Variants in PDE3A observed in about 807,000 individuals in gnomAD.
PDE3A encodes phosphodiesterase 3A.
In PDE3A, 43 loss-of-function variants were observed where a neutral mutation model predicts 98.3. The ratio of observed to expected loss-of-function variants is 0.44; its 90% confidence interval spans 0.34 to 0.56. The LOEUF (loss-of-function observed/expected upper bound fraction) is 0.56. Ranked by LOEUF, PDE3A falls within the 20% of genes least tolerant of loss-of-function variation. The pLI is 0.01. For synonymous variants in PDE3A, 663 were observed against 567.9 expected, an observed-to-expected ratio of 1.17 and a Z score of -2.38; for missense variants, 1,427 against 1,440.7, an observed-to-expected ratio of 0.99 and a Z score of 0.15.
intron 1 of PDE3A, among the ~76,000 whole-genome samples, chr12:20,425,200 G>A (rs1384582538): frequency 6.6e-6 from 1 of 152,124 alleles, no homozygotes; most frequent in East Asian, 1.9e-4. Context: ...GGTAATGCGT[G>A]TTTTTTGGAG....
chr12:20,653,663 T>G (rs1944972642), intron 14 of PDE3A, among the ~76,000 whole-genome samples: 1 of 152,200 alleles, frequency 6.6e-6, no homozygotes, highest in Non-Finnish European at 1.5e-5. Flanking sequence ...TGCATTTTCG[T>G]GCATTTATAT....
chr12:20,412,971 G>A (rs542705862), intron 1 of PDE3A, among the ~76,000 whole-genome samples: 4 of 152,290 alleles, frequency 2.6e-5, no homozygotes, highest in South Asian at 4.1e-4. Context: ...GTGGCAAGAA[G>A]CAGATACTGT....
At chr12:20,630,210 G>C in intron 6 of PDE3A, 83 bp downstream of exon 6, 1 of 994,584 alleles carries the variant, frequency 1.0e-6, no homozygotes, top group South Asian at 1.3e-5. Flanking sequence ...AGCCCACGCA[G>C]CTTGGGGTAG....
chr12:20,626,090 C>T (rs1481655558), intron 5 of PDE3A, among the ~76,000 whole-genome samples: 1 of 152,082 alleles, frequency 6.6e-6, no homozygotes, highest in African/African-American at 2.4e-5. Flanking sequence ...TTTTAACGGT[C>T]ATCCCTCTAA....
In PDE3A at chr12:20,395,551, G is replaced by A. The variant is rs1165291844; in HGVS notation, c.960+25307G>A. 7.0e-5 allele frequency among the ~76,000 whole-genome samples: 10 copies of A among 143,252 alleles called. No individual in the cohort carries two copies. In the East Asian group the frequency reaches 8.1e-4, roughly 12 times the overall value. The allele number at this position is 143,252 out of a possible 152,430, so 94.0% of individuals were successfully genotyped here. A position where few individuals can be genotyped will look rare whatever the true frequency, so the allele number is the denominator to read the frequency against. On this transcript the variant is annotated intron_variant, in intron 1 of 15. Transcript: ENST00000359062. ...ACATAGTATAATATGTATACTATGT[G>A]TACACATAGTATATATATACATAGT...
At chr12:20,642,749 C>T (rs1944673511) in intron 10 of PDE3A, among the ~76,000 whole-genome samples, 2 of 152,024 alleles carry the variant, frequency 1.3e-5, no homozygotes, top group Admixed American at 1.3e-4. Context: ...ACATGATGTG[C>T]CCACTGATTT....
chr12:20,440,416 G>A (rs1944850843), intron 1 of PDE3A, among the ~76,000 whole-genome samples: 1 of 152,096 alleles, frequency 6.6e-6, no homozygotes, highest in Admixed American at 6.6e-5. Context: ...AGAGCAGTAA[G>A]CAAAATTATT....
intron 1 of PDE3A, among the ~76,000 whole-genome samples, chr12:20,504,191 C>T (rs1033436676): frequency 1.6e-4 from 25 of 151,898 alleles, no homozygotes; most frequent in Non-Finnish European, 4.4e-5. Context: ...TTTTCCTTCT[C>T]CTGTTACTCT....
intron 1 of PDE3A, among the ~76,000 whole-genome samples, chr12:20,439,293 C>A (rs1320108111): frequency 6.6e-6 from 1 of 152,140 alleles, no homozygotes; most frequent in Non-Finnish European, 1.5e-5. Context: ...TGGAAAGTTA[C>A]TCTAAATTTA....
chr12:20,398,840 T>C (rs907278391), intron 1 of PDE3A, among the ~76,000 whole-genome samples: 15 of 152,180 alleles, frequency 9.9e-5, no homozygotes, highest in Non-Finnish European at 7.4e-5. Flanking sequence ...ATTTACCATG[T>C]TAACCATTTT....
intron 2 of PDE3A, among the ~76,000 whole-genome samples, chr12:20,603,059 A>T (rs1011873000): frequency 1.3e-5 from 2 of 152,144 alleles, no homozygotes; most frequent in African/African-American, 4.8e-5. Flanking sequence ...AGTTGGAGGG[A>T]TGGAGTGGCA....
At position 20,552,739 on chromosome 12, in the gene PDE3A, C is replaced by T. The variant is rs1004452533; in HGVS notation, c.961-3921C>T. ...TGAGGTCCTGGCGTCACTCAAGGACCGGCCGGCGAGCGGCAGCCCGTTCCA... is the reference window on the plus strand; with the variant it reads ...TGAGGTCCTGGCGTCACTCAAGGACTGGCCGGCGAGCGGCAGCCCGTTCCA... On this transcript the variant is annotated intron_variant, in intron 1 of 15. Transcript: ENST00000359062. This position sits in a 1 kb window ranked among gnomAD's most constrained non-coding sequence, Gnocchi z 5.1. The T allele has an allele frequency of 6.2e-6, 10 of 1,613,918 alleles. No individual in the cohort carries two copies. In the Middle Eastern group the frequency reaches 6.6e-4, roughly 106 times the overall value.
At chr12:20,654,330 A>G (rs1455885503) in intron 15 of PDE3A, 125 bp downstream of exon 15, 4 of 813,218 alleles carry the variant, frequency 4.9e-6, no homozygotes, top group Non-Finnish European at 7.8e-6. Flanking sequence ...GAGTTTGACT[A>G]CGGATAGCTC....
chr12:20,666,297 C>T (rs1326571185), intron 15 of PDE3A, among the ~76,000 whole-genome samples: 1 of 152,124 alleles, frequency 6.6e-6, no homozygotes, highest in Non-Finnish European at 1.5e-5. Flanking sequence ...GGGAAGTCCC[C>T]TCTTCCCACT....
At chr12:20,456,270 A>G (rs1272072653) in intron 1 of PDE3A, among the ~76,000 whole-genome samples, 3 of 152,110 alleles carry the variant, frequency 2.0e-5, no homozygotes, top group Non-Finnish European at 2.9e-5. Context: ...TAAAATACAT[A>G]AGCAGGTAGA....
rs368558108 is a variant in PDE3A at position 20,387,154 on chromosome 12, A to G, written c.960+16910A>G. 5.7e-4 allele frequency among the ~76,000 whole-genome samples: 87 copies of G among 152,202 alleles called. No individual in the cohort carries two copies. In the East Asian group the frequency reaches 0.014, roughly 25 times the overall value. ...ATGTGTCTGTTTTTGTACCAGTACC[A>G]TGCTGATTTGGTTACTGTGGCCTTG... On this transcript the variant is annotated intron_variant, in intron 1 of 15. Transcript: ENST00000359062.
intron 1 of PDE3A, among the ~76,000 whole-genome samples, chr12:20,390,479 G>A (rs1319479178): frequency 6.8e-6 from 1 of 146,928 alleles, no homozygotes. Context: ...AAAAACTGCA[G>A]TTGGGAGGAT....
chr12:20,562,467 C>T (rs1343068687), intron 2 of PDE3A, among the ~76,000 whole-genome samples: 1 of 151,716 alleles, frequency 6.6e-6, no homozygotes, highest in Non-Finnish European at 1.5e-5. Flanking sequence ...ATCCGCCTGC[C>T]TCGGCCTCCC....
At chr12:20,415,848 CAG>C (rs1213075651) in intron 1 of PDE3A, among the ~76,000 whole-genome samples, 1 of 152,158 alleles carries the variant, frequency 6.6e-6, no homozygotes, top group Non-Finnish European at 1.5e-5. Context: ...GAGACAGAAA[CAG>C]AGAGGCAGTA....
Sources: allele counts gnomAD v4.1 joint callset (sites outside exome capture counted in the v4.1 genomes callset), GRCh38; gene constraint gnomAD v4.1.1; non-coding constraint Gnocchi (gnomAD v3.1); transcripts MANE v1.5; gene names NCBI Gene and HGNC (gene_info 2026-07-23, HGNC 2026-07-21).